The following HMSD variants were observed in gnomAD, a reference collection of about 807,000 sequenced individuals.
HMSD encodes the protein serpin-like protein HMSD.
HMSD carries 13 observed loss-of-function variants against 10.0 expected under a neutral mutation model. The ratio of observed to expected loss-of-function variants is 1.31; its 90% CI spans 0.85 to 2.08. HMSD has a LOEUF of 2.08. HMSD is among the 30% of genes most tolerant of loss of function. The pLI is 0.00. For missense variants in HMSD, 169 were observed against 166.3 expected, an observed-to-expected ratio of 1.02 and a Z score of -0.09; for synonymous variants, 51 against 54.2, an observed-to-expected ratio of 0.94 and a Z score of 0.26.
downstream of HMSD, among the ~76,000 whole-genome samples, chr18:63,963,089 C>CT (rs879387269): frequency 1.3e-3 from 163 of 121,006 alleles, 3 homozygotes; most frequent in African/African-American, 6.2e-3. Context: ...TTCTTTCTTT[C>CT]TTTCTTTCTT....
intron 1 of HMSD, among the ~76,000 whole-genome samples, chr18:63,950,406 ACT>A (rs368275650): frequency 1.7e-5 from 2 of 118,128 alleles, no homozygotes; most frequent in African/African-American, 7.8e-5. Context: ...ACAAAGCGAG[ACT>A]CTCTCTCAAA....
At chr18:63,959,211 T>C (rs950284220) in intron 3 of HMSD, among the ~76,000 whole-genome samples, 4 of 152,178 alleles carry the variant, frequency 2.6e-5, no homozygotes, top group Admixed American at 6.5e-5. Flanking sequence ...AGGGTCATGA[T>C]TGCTGGATCA....
chr18:63,956,595 C>G (rs1473469980), intron 3 of HMSD, among the ~76,000 whole-genome samples: 1 of 152,148 alleles, frequency 6.6e-6, no homozygotes, highest in African/African-American at 2.4e-5. Context: ...GCTGGTGAAG[C>G]TGCACAGAAA....
chr18:63,954,433 G>A lies in HMSD; in HGVS notation c.98G>A (p.Gly33Asp), dbSNP rs905631524. 1.1e-5 allele frequency: 17 copies of A among 1,612,612 alleles called. No individual in the cohort carries two copies. The highest frequency in any genetic ancestry group is 1.0e-4 in the Admixed American group (6 of 59,966). Residue 33 changes from glycine (G) to aspartate (D), a missense_variant, in exon 3 of 4, where the codon GGT becomes GAT. Transcript: ENST00000408945. ...SQALCFSKIG[G>D]EDGDIHRGFQ... ...GCACTTTGTTTTAGTAAAATCGGAGGTGAAGATGGAGATATTCATCGAGGT... is the reference window on the plus strand; with the variant it reads ...GCACTTTGTTTTAGTAAAATCGGAGATGAAGATGGAGATATTCATCGAGGT...
chr18:63,963,493 G>T (rs1378550718), downstream of HMSD, among the ~76,000 whole-genome samples: 1 of 152,160 alleles, frequency 6.6e-6, no homozygotes, highest in Non-Finnish European at 1.5e-5. Flanking sequence ...CTCCCAAAGT[G>T]CTGAGATTAC....
chr18:63,950,681 TATTTC>T, intron 1 of HMSD, among the ~76,000 whole-genome samples: 1 of 149,372 alleles, frequency 6.7e-6, no homozygotes, highest in Non-Finnish European at 1.5e-5. Context: ...CCTCAAATAG[TATTTC>T]ATTTCAAGGA....
intron 1 of HMSD, among the ~76,000 whole-genome samples, chr18:63,951,933 G>A (rs1445472610): frequency 6.6e-6 from 1 of 151,970 alleles, no homozygotes; most frequent in Non-Finnish European, 1.5e-5. Context: ...GTTGATTTGT[G>A]TAACACCATG....
chr18:63,968,384 T>C (rs1209626351), intron 3 of HMSD: 1 of 152,234 alleles, frequency 6.6e-6, no homozygotes, highest in Non-Finnish European at 1.5e-5. Context: ...CACATGGCCT[T>C]CACGACATGG....
downstream of HMSD, chr18:63,961,924 C>T (rs56390579): frequency 0.35 from 53,788 of 152,046 alleles, 10,881 homozygotes; most frequent in African/African-American, 0.56. Context: ...GAATATGAGA[C>T]AATCAAAACA....
chr18:63,957,535 G>A (rs1005244984), intron 3 of HMSD, among the ~76,000 whole-genome samples: 2 of 151,978 alleles, frequency 1.3e-5, no homozygotes, highest in African/African-American at 4.8e-5. Context: ...TAAATTAATT[G>A]TTTGCAAACA....
At chr18:63,965,262 G>T (rs139761277), downstream of HMSD, among the ~76,000 whole-genome samples, 91 of 152,326 alleles carry the variant, frequency 6.0e-4, no homozygotes, top group Middle Eastern at 6.8e-3. Context: ...AGAACAAGTG[G>T]CAGGAACTCA....
chr18:63,952,583 A>C (rs926578797), intron 1 of HMSD, among the ~76,000 whole-genome samples: 1 of 152,144 alleles, frequency 6.6e-6, no homozygotes, highest in Non-Finnish European at 1.5e-5. Context: ...ATCTCCATTT[A>C]TATTCAATCA....
rs1355288396 is a variant in HMSD at position 63,961,310 on chromosome 18, T to C, written c.*955T>C. ...ATAGAAATATAATATAATCAGACTT[T>C]AGCCATGTAAATCATAAAACATAGA... On this transcript the variant is annotated 3_prime_UTR_variant, in exon 4 of 4. Coordinates refer to ENST00000408945, the MANE Select transcript of HMSD (RefSeq NM_001123366.2). The C allele has an allele frequency of 1.3e-5, 2 of 152,198 alleles. No homozygotes were observed. Among genetic ancestry groups the C allele is most frequent in the Non-Finnish European group, 2.9e-5 (2 of 68,028 alleles). 9.4% of individuals were successfully genotyped at this position (152,198 alleles called of 1,614,324 possible).
In HMSD at chr18:63,960,226, A is replaced by C. The variant is rs756786392; in HGVS notation, c.291A>C (p.Thr97=). 3 of 1,613,572 alleles carry C rather than the reference A, an allele frequency of 1.9e-6. No individual in the cohort carries two copies. The East Asian group carries it at 6.7e-5, about 36-fold the overall frequency. The change falls in exon 4 of 4, where the codon ACA becomes ACC. Residue 97 remains threonine, a synonymous_variant. Coordinates refer to ENST00000408945, the MANE Select transcript of HMSD (RefSeq NM_001123366.2). ...AACAGCTAGACTTTGTGAATGATACAGAGAAGTCCACAACACGTGTAAACT... is the reference window on the plus strand; with the variant it reads ...AACAGCTAGACTTTGTGAATGATACCGAGAAGTCCACAACACGTGTAAACT... ...TIKQLDFVND[T]EKSTTRVNSW... is the part of the protein sequence containing the mutation.
chr18:63,962,832 C>T (rs577773989), downstream of HMSD, among the ~76,000 whole-genome samples: 1 of 152,154 alleles, frequency 6.6e-6, no homozygotes, highest in Non-Finnish European at 1.5e-5. Flanking sequence ...CTTTCCTTTC[C>T]TGAGCTGAAG....
chr18:63,956,048 G>A (rs2050356409), intron 3 of HMSD, among the ~76,000 whole-genome samples: 1 of 152,184 alleles, frequency 6.6e-6, no homozygotes, highest in African/African-American at 2.4e-5. Flanking sequence ...CTTGGGCCCT[G>A]TAGCAGACCA....
chr18:63,954,734 C>T (rs72943544), intron 3 of HMSD, among the ~76,000 whole-genome samples, 177 bp downstream of exon 3: 6,625 of 152,216 alleles, frequency 0.044, 193 homozygotes, highest in Non-Finnish European at 0.058. Flanking sequence ...TAGCAAATAC[C>T]GTTCAGAATT....
In HMSD at chr18:63,960,234, C is replaced by A. The variant is rs1490610247; in HGVS notation, c.299C>A (p.Ser100Tyr). The change falls in exon 4 of 4, where the codon TCC (serine) becomes TAC (tyrosine). Residue 100 changes from serine to tyrosine, a missense_variant. Coordinates refer to ENST00000408945, the MANE Select transcript of HMSD (RefSeq NM_001123366.2). ...GACTTTGTGAATGATACAGAGAAGT[C>A]CACAACACGTGTAAACTCCTGGGTT... ...QLDFVNDTEK[S>Y]TTRVNSWVAD... 6.2e-7 allele frequency: 1 copy of A among 1,613,286 alleles called. No homozygotes were observed. The highest frequency in any genetic ancestry group is 8.5e-7 in the Non-Finnish European group (1 of 1,179,804).
chr18:63,964,972 G>A (rs1241702171), downstream of HMSD, among the ~76,000 whole-genome samples: 1 of 151,882 alleles, frequency 6.6e-6, no homozygotes, highest in Non-Finnish European at 1.5e-5. Context: ...TTCTACATCT[G>A]CTGCCATTAC....
Sources: gnomAD v4.1 joint callset for allele counts (sites outside exome capture counted in the v4.1 genomes callset) on GRCh38, gnomAD v4.1.1 for gene constraint, MANE v1.5 for transcripts, NCBI Gene and HGNC (gene_info 2026-07-23, HGNC 2026-07-21) for gene names.